UPF2: variants seen among roughly 807,000 people sequenced by gnomAD.
UPF2 encodes UPF2 regulator of nonsense mediated mRNA decay.
In UPF2, 17 loss-of-function variants were observed where a neutral mutation model predicts 141.4. The ratio of observed to expected loss-of-function variants is 0.12; its 90% CI spans 0.08 to 0.18. UPF2 has a LOEUF of 0.18. UPF2 is among the 10% of genes least tolerant of loss of function. The pLI, the probability that UPF2 is intolerant of heterozygous loss-of-function variation, is 1.00. For synonymous variants in UPF2, 540 were observed against 498.0 expected, an observed-to-expected ratio of 1.08 and a Z score of -1.12; for missense variants, 1,152 against 1,515.9, an observed-to-expected ratio of 0.76 and a Z score of 3.99.
intron 3 of UPF2, among the ~76,000 whole-genome samples, chr10:12,018,179 G>T (rs186860376): frequency 6.6e-6 from 1 of 152,140 alleles, no homozygotes; most frequent in Non-Finnish European, 1.5e-5. Context: ...CAGGCACAGC[G>T]GCTAACGCCT....
chr10:11,955,422 G>A lies in UPF2; in HGVS notation c.2660C>T (p.Ala887Val). 6.2e-7 allele frequency: 1 copy of A among 1,614,172 alleles called. No individual in the cohort carries two copies. Among genetic ancestry groups the A allele is most frequent in the Non-Finnish European group, 8.5e-7 (1 of 1,180,022 alleles). The change falls in exon 14 of 22, where the codon GCT (alanine) becomes GTT (valine). Residue 887 changes from alanine to valine, a missense_variant. By Grantham distance (64) the Ala-to-Val change is moderately conservative. Around this residue, in one of 4 missense-constraint regions of UPF2, gnomAD observed 739 missense variants for 1,032.2 expected, o/e 0.72. Transcript: ENST00000357604. Reference sequence around the variant, plus strand: ...AGAATACAGAGTTCTGAAAATAACAGCTGATTCCACCATTCGGTAATTGTA... The same window carrying A: ...AGAATACAGAGTTCTGAAAATAACAACTGATTCCACCATTCGGTAATTGTA... ...ELYNYRMVESAVIFRTLYSFT... is the reference protein window; with the variant it reads ...ELYNYRMVESVVIFRTLYSFT...
rs993685302 is a variant in UPF2, at chr10:11,940,682, C to G, written c.3378+1983G>C. On this transcript the variant is annotated intron_variant, in intron 18 of 21. Transcript: ENST00000357604. The surrounding 1 kb of genome is among the most constrained non-coding windows in gnomAD (Gnocchi z 4.2). Reference sequence around the variant, plus strand: ...AGGTCGTTCTACCTCCGAAATAGCTCAAATCCAGACTTCTCTCCATGTGCC... The same window carrying G: ...AGGTCGTTCTACCTCCGAAATAGCTGAAATCCAGACTTCTCTCCATGTGCC... Among the ~76,000 whole-genome samples, 8 of 152,164 alleles carry G rather than the reference C, an allele frequency of 5.3e-5. No homozygotes were observed. The highest frequency in any genetic ancestry group is 1.9e-4 in the African/African-American group (8 of 41,426).
intron 3 of UPF2, among the ~76,000 whole-genome samples, chr10:12,028,050 TCTAG>T (rs1457563932): frequency 2.0e-5 from 3 of 152,144 alleles, no homozygotes; most frequent in Admixed American, 2.0e-4. Context: ...TCCATCAACT[TCTAG>T]CTTCTTGTTG....
Position 11,936,797 on chromosome 10 carries a change from T to G in UPF2, c.3379-85A>C. 2.3e-6 allele frequency: 3 copies of G among 1,298,388 alleles called. No homozygotes were observed. The highest frequency in any genetic ancestry group is 3.1e-6 in the Non-Finnish European group (3 of 972,944). 80.4% of individuals were successfully genotyped at this position (1,298,388 alleles called of 1,614,324 possible). On this transcript the variant is annotated intron_variant, in intron 18 of 21. Coordinates refer to ENST00000357604, the MANE Select transcript of UPF2 (RefSeq NM_015542.4). This position sits in a 1 kb window ranked among gnomAD's most constrained non-coding sequence, Gnocchi z 6.6. The stretch of plus-strand genomic sequence containing the variant: ...TATAAATTGCAAACTCATTCAATGC[T>G]GTATTTCTTAAAACACAACAATCAT...
rs1363815404 is a variant in UPF2, at chr10:11,980,066, A to G, written c.1845-901T>C. On this transcript the variant is annotated intron_variant, in intron 8 of 21. Coordinates refer to ENST00000357604, the MANE Select transcript of UPF2 (RefSeq NM_015542.4). The surrounding 1 kb of genome is among the most constrained non-coding windows in gnomAD (Gnocchi z 4.2). ...TTAATTTGGACAGTAAATGGCAAATATGTGGCACTCACACTGCCACCCTCT... is the reference window on the plus strand; with the variant it reads ...TTAATTTGGACAGTAAATGGCAAATGTGTGGCACTCACACTGCCACCCTCT... Among the ~76,000 whole-genome samples the G allele has an allele frequency of 2.0e-5, 3 of 152,090 alleles. No individual in the cohort carries two copies. The highest frequency in any genetic ancestry group is 7.2e-5 in the African/African-American group (3 of 41,408).
At chr10:12,028,385 T>C (rs963540762) in intron 3 of UPF2, among the ~76,000 whole-genome samples, 58 of 152,178 alleles carry the variant, frequency 3.8e-4, no homozygotes, top group African/African-American at 1.2e-3. Context: ...AAACCTGTTA[T>C]AGAGAGAACG....
At chr10:11,991,976 T>A (rs757220048) in intron 8 of UPF2, among the ~76,000 whole-genome samples, 1 of 152,184 alleles carries the variant, frequency 6.6e-6, no homozygotes, top group East Asian at 1.9e-4. Flanking sequence ...TGAAACCCTG[T>A]CTCTACTAAA....
intron 9 of UPF2, among the ~76,000 whole-genome samples, chr10:11,978,830 G>A (rs1420213748): frequency 6.6e-6 from 1 of 152,110 alleles, no homozygotes; most frequent in Admixed American, 6.6e-5. Flanking sequence ...TCCCGCAATG[G>A]GGGAACAAGG....
chr10:12,005,928 G>A (rs181159867), intron 4 of UPF2, among the ~76,000 whole-genome samples: 2 of 152,052 alleles, frequency 1.3e-5, no homozygotes, highest in Non-Finnish European at 2.9e-5. Flanking sequence ...TGCCAAGGCT[G>A]GCGTGCAGTG....
intron 10 of UPF2, among the ~76,000 whole-genome samples, chr10:11,966,023 A>G (rs1360536227): frequency 1.3e-5 from 2 of 152,246 alleles, no homozygotes; most frequent in African/African-American, 4.8e-5. Flanking sequence ...AATTACTGTT[A>G]CTAATTAATT....
chr10:12,018,035 T>A (rs1471421674), intron 3 of UPF2, among the ~76,000 whole-genome samples: 2 of 152,232 alleles, frequency 1.3e-5, no homozygotes, highest in Non-Finnish European at 2.9e-5. Flanking sequence ...TAGCCATATA[T>A]CCTTTCTTTG....
At chr10:11,994,930 C>T (rs1194231841) in intron 8 of UPF2, among the ~76,000 whole-genome samples, 1 of 136,480 alleles carries the variant, frequency 7.3e-6, no homozygotes, top group African/African-American at 2.8e-5. Context: ...GAGCCGAGAT[C>T]GCGCCACTGC....
intron 16 of UPF2, among the ~76,000 whole-genome samples, chr10:11,946,138 G>A (rs1403615111): frequency 2.0e-5 from 3 of 152,206 alleles, no homozygotes; most frequent in Non-Finnish European, 4.4e-5. Flanking sequence ...ATAAATACTA[G>A]CCAATTAGGA....
chr10:12,011,033 G>A (rs1313931902), intron 4 of UPF2, among the ~76,000 whole-genome samples: 1 of 152,148 alleles, frequency 6.6e-6, no homozygotes, highest in Non-Finnish European at 1.5e-5. Context: ...CCAGGCTGGA[G>A]TGCCTGGTGT....
At chr10:11,944,253 T>C (rs1317257729) in intron 16 of UPF2, among the ~76,000 whole-genome samples, 3 of 152,268 alleles carry the variant, frequency 2.0e-5, no homozygotes, top group South Asian at 4.1e-4. Context: ...TCCCAACACT[T>C]TGGAAGGCTG....
intron 3 of UPF2, among the ~76,000 whole-genome samples, chr10:12,022,589 G>A (rs1001258586): frequency 6.6e-6 from 1 of 152,024 alleles, no homozygotes; most frequent in Non-Finnish European, 1.5e-5. Flanking sequence ...GAATATCTAG[G>A]ACATAATTTT....
chr10:12,008,963 T>TA (rs1834084058), intron 4 of UPF2, among the ~76,000 whole-genome samples: 1 of 152,142 alleles, frequency 6.6e-6, no homozygotes, highest in South Asian at 2.1e-4. Context: ...TTTCCTATGT[T>TA]AGTTTGCTGA....
intron 3 of UPF2, among the ~76,000 whole-genome samples, chr10:12,017,952 C>T (rs911867576): frequency 6.6e-6 from 1 of 152,126 alleles, no homozygotes; most frequent in Non-Finnish European, 1.5e-5. Context: ...TGTCTTACAC[C>T]GAGCACTTGG....
chr10:11,964,115 G>A lies in UPF2; in HGVS notation c.2078C>T (p.Ser693Leu). ...DTLHCLKMLL[S>L]DFSHHHIEMA... ...TTCAATATGGTGATGAGAGAAGTCT[G>A]ACAGAAGCATCTGCAACAGGAAGAA... The change falls in exon 11 of 22, where the codon TCA (serine) becomes TTA (leucine). Residue 693 changes from serine to leucine, a missense_variant. Ser to Leu is a moderately radical substitution (Grantham distance 145, BLOSUM62 -2). Transcript: ENST00000357604. 1 of 1,611,416 alleles carries A rather than the reference G, an allele frequency of 6.2e-7. No homozygotes were observed. The highest frequency in any genetic ancestry group is 8.5e-7 in the Non-Finnish European group (1 of 1,178,548).
Sources: allele counts gnomAD v4.1 joint callset (sites outside exome capture counted in the v4.1 genomes callset), GRCh38; gene constraint gnomAD v4.1.1; regional missense constraint gnomAD v4.1.1; non-coding constraint Gnocchi (gnomAD v3.1); transcripts MANE v1.5; gene names NCBI Gene and HGNC (gene_info 2026-07-23, HGNC 2026-07-21).